Variants in ZNF516 observed in about 807,000 individuals in gnomAD.
The protein encoded by ZNF516 is zinc finger protein 516.
Under a neutral mutation model 79.7 loss-of-function variants are expected in ZNF516, and 19 were observed. The observed-to-expected ratio is 0.24, with a 90% CI of 0.17 to 0.35. The LOEUF (loss-of-function observed/expected upper bound fraction) is 0.35. Ranked by LOEUF, ZNF516 falls within the 10% of genes least tolerant of loss-of-function variation. ZNF516 has a pLI of 1.00. For missense variants in ZNF516, 1,678 were observed against 1,679.5 expected (o/e 1.00, Z 0.02); for synonymous variants, 877 against 739.5 (o/e 1.19, Z -3.02).
upstream of ZNF516, chr18:76,496,271 C>T (rs1369955962): frequency 7.8e-7 from 1 of 1,286,846 alleles, no homozygotes; most frequent in Non-Finnish European, 1.0e-6. Flanking sequence ...ACTATCTTCT[C>T]CCACCAGGCT....
At position 76,441,293 on chromosome 18, in the gene ZNF516, C is replaced by T. The variant is rs1454039610; in HGVS notation, c.1762G>A (p.Glu588Lys). 1.2e-6 allele frequency: 2 copies of T among 1,611,108 alleles called. No homozygotes were observed. Among genetic ancestry groups the T allele is most frequent in the African/African-American group, 1.3e-5 (1 of 74,898 alleles). ...TCCTCACCACTGTCTTCGGCAGCCTCGTCGGCCAGGCCAGAGCCCGGGGAG... is the reference window on the plus strand; with the variant it reads ...TCCTCACCACTGTCTTCGGCAGCCTTGTCGGCCAGGCCAGAGCCCGGGGAG... Reference protein sequence around the residue: ...ADSPGSGLADEAAEDSGEEGA... With the variant: ...ADSPGSGLADKAAEDSGEEGA... The change falls in exon 3 of 7, where the codon GAG becomes AAG. Residue 588 changes from glutamate to lysine, a missense_variant. Transcript: ENST00000443185.
At chr18:76,398,127 T>C (rs12955453) in intron 3 of ZNF516, among the ~76,000 whole-genome samples, 7,905 of 152,232 alleles carry the variant, frequency 0.052, 357 homozygotes, top group African/African-American at 0.13. Context: ...TGCTTCCTAT[T>C]GACTCAACCA....
intron 6 of ZNF516, 104 bp downstream of exon 6, chr18:76,370,424 T>A (rs2074683361): frequency 8.8e-7 from 1 of 1,142,242 alleles, no homozygotes; most frequent in Non-Finnish European, 1.2e-6. Context: ...ACACATCTAG[T>A]GAAAAAAACA....
chr18:76,435,663 G>A (rs2075722974), intron 3 of ZNF516, among the ~76,000 whole-genome samples: 1 of 152,160 alleles, frequency 6.6e-6, no homozygotes, highest in South Asian at 2.1e-4. Context: ...TAATATCAGG[G>A]TTTTCCAACT....
At chr18:76,464,631 G>A (rs1360644566) in intron 1 of ZNF516, among the ~76,000 whole-genome samples, 13 of 151,604 alleles carry the variant, frequency 8.6e-5, no homozygotes, top group Non-Finnish European at 1.5e-5. Context: ...GACTTGCAGG[G>A]CCTCTCTGGC....
At chr18:76,363,676 T>C (rs868484700) in intron 6 of ZNF516, among the ~76,000 whole-genome samples, 8 of 152,370 alleles carry the variant, frequency 5.3e-5, no homozygotes, top group African/African-American at 1.9e-4. Context: ...GGACAAAGAC[T>C]GTTTTACATT....
intron 3 of ZNF516, chr18:76,389,289 A>C (rs2145123713): frequency 6.6e-6 from 1 of 152,254 alleles, no homozygotes; most frequent in African/African-American, 2.4e-5. Flanking sequence ...TCCAAAAAAA[A>C]AAAAAAAATC....
intron 1 of ZNF516, among the ~76,000 whole-genome samples, chr18:76,486,724 A>G (rs111575802): frequency 1.3e-5 from 2 of 151,936 alleles, no homozygotes; most frequent in African/African-American, 4.8e-5. Flanking sequence ...TCTGCCTTGA[A>G]GATAACAAAA....
At chr18:76,469,789 T>TA (rs1218896655) in intron 1 of ZNF516, among the ~76,000 whole-genome samples, 1 of 152,180 alleles carries the variant, frequency 6.6e-6, no homozygotes, top group Admixed American at 6.5e-5. Context: ...TCATTAATTA[T>TA]AAAAAACCAA....
intron 1 of ZNF516, among the ~76,000 whole-genome samples, chr18:76,472,376 T>C (rs1249460973): frequency 6.6e-6 from 1 of 151,868 alleles, no homozygotes; most frequent in African/African-American, 2.4e-5. Context: ...GTGTGTGCAT[T>C]TGCATAGGCT....
chr18:76,493,488 TATTA>T lies in ZNF516; in HGVS notation c.-272+1652_-272+1655del, dbSNP rs1915353531. 1 of 152,354 alleles carries T rather than the reference TATTA, an allele frequency of 6.6e-6. No homozygotes were observed. Among genetic ancestry groups the T allele is most frequent in the Non-Finnish European group, 1.5e-5 (1 of 68,132 alleles). 9.4% of individuals were successfully genotyped at this position (152,354 alleles called of 1,614,324 possible). On this transcript the variant is annotated intron_variant, in intron 1 of 6. Transcript: ENST00000443185. The surrounding 1 kb of genome is among the most constrained non-coding windows in gnomAD (Gnocchi z 5.2). ...ATTTATGAACTCGCCGTTTTGATTT[TATTA>T]TTTAAGCATGCGCCAGCAATCGTGT...
At chr18:76,386,480 A>T (rs549260325) in intron 3 of ZNF516, 1 of 152,276 alleles carries the variant, frequency 6.6e-6, no homozygotes, top group Non-Finnish European at 1.5e-5. Context: ...AAATGGCACT[A>T]CTTTTATAAA....
chr18:76,431,388 G>A (rs2075658786), intron 3 of ZNF516, among the ~76,000 whole-genome samples: 1 of 152,168 alleles, frequency 6.6e-6, no homozygotes, highest in African/African-American at 2.4e-5. Context: ...AAATCAAATG[G>A]CAAGCCACAG....
Position 76,467,645 on chromosome 18 carries a change from G to C in ZNF516, c.-271-4504C>G, listed in dbSNP as rs1913568837. On this transcript the variant is annotated intron_variant, in intron 1 of 6. Transcript: ENST00000443185. The surrounding 1 kb of genome is among the most constrained non-coding windows in gnomAD (Gnocchi z 4.2). ...TGCTCCTTCCTAACTGGGATCTTGA[G>C]AAAGACAACAGCCCCAGCCCACTCA... is the stretch of plus-strand genomic sequence containing the variant. 6.6e-6 allele frequency among the ~76,000 whole-genome samples: 1 copy of C among 152,320 alleles called. No homozygotes were observed. The highest frequency in any genetic ancestry group is 1.5e-5 in the Non-Finnish European group (1 of 68,024).
At chr18:76,437,520 T>C (rs2075759356) in intron 3 of ZNF516, among the ~76,000 whole-genome samples, 1 of 152,088 alleles carries the variant, frequency 6.6e-6, no homozygotes, top group Admixed American at 6.5e-5. Flanking sequence ...CCAAGCACTT[T>C]TTTTATTCTA....
intron 3 of ZNF516, among the ~76,000 whole-genome samples, chr18:76,420,236 G>A (rs889282767): frequency 6.6e-6 from 1 of 152,196 alleles, no homozygotes; most frequent in South Asian, 2.1e-4. Context: ...AGCTGGAGAT[G>A]GTGTAAAAGG....
In ZNF516 at chr18:76,441,578, G is replaced by A; in HGVS notation, c.1477C>T (p.Leu493Phe). 6.9e-7 allele frequency: 1 copy of A among 1,445,588 alleles called. No homozygotes were observed. The highest frequency in any genetic ancestry group is 9.1e-7 in the Non-Finnish European group (1 of 1,103,740). The allele number at this position is 1,445,588 out of a possible 1,614,324, so 89.5% of individuals were successfully genotyped here. ...GGGCGCGCGGCCGAGCGGGGATCGAGGTGGCCGGCGGGCGCGGGGTCCCCA... is the reference window on the plus strand; with the variant it reads ...GGGCGCGCGGCCGAGCGGGGATCGAAGTGGCCGGCGGGCGCGGGGTCCCCA... ...GPGDPAPAGH[L>F]DPRSAARPNR... is the part of the protein sequence containing the mutation. The change falls in exon 3 of 7, where the codon CTC (leucine) becomes TTC (phenylalanine). Residue 493 changes from leucine (L) to phenylalanine (F), a missense_variant. Around this residue, in one of 5 missense-constraint regions of ZNF516, gnomAD observed 1,294 missense variants for 1,248.3 expected, o/e 1.04. Transcript: ENST00000443185.
intron 2 of ZNF516, among the ~76,000 whole-genome samples, chr18:76,449,446 T>C (rs1912263319): frequency 6.6e-6 from 1 of 152,166 alleles, no homozygotes. Context: ...CTTCAGCCAA[T>C]GATAAGAGTC....
chr18:76,436,972 T>C (rs912490667), intron 3 of ZNF516, among the ~76,000 whole-genome samples: 8 of 151,320 alleles, frequency 5.3e-5, no homozygotes, highest in Non-Finnish European at 7.4e-5. Context: ...GAGGCTGAGG[T>C]GAAAGGATGG....
Sources: gnomAD v4.1 joint callset for allele counts (sites outside exome capture counted in the v4.1 genomes callset) on GRCh38, gnomAD v4.1.1 for gene constraint, gnomAD v4.1.1 regional missense constraint, Gnocchi (gnomAD v3.1) non-coding constraint, MANE v1.5 for transcripts, NCBI Gene and HGNC (gene_info 2026-07-23, HGNC 2026-07-21) for gene names.